ADGRL3: variants seen among roughly 807,000 people sequenced by gnomAD.
ADGRL3 encodes calcium-independent alpha-latrotoxin receptor 3.
ADGRL3 carries 62 observed loss-of-function variants against 153.5 expected under a neutral mutation model. That is an observed-to-expected ratio of 0.40 (90% CI 0.33 to 0.50). ADGRL3 has a LOEUF of 0.50. ADGRL3 is among the 20% of genes least tolerant of loss of function. The pLI is 0.47. For missense variants in ADGRL3, 1,641 were observed against 1,859.4 expected (o/e 0.88, Z 2.16); for synonymous variants, 710 against 672.5 (o/e 1.06, Z -0.86).
intron 1 of ADGRL3, among the ~76,000 whole-genome samples, chr4:61,352,724 T>G (rs1432553408): frequency 1.3e-5 from 2 of 152,146 alleles, no homozygotes; most frequent in Non-Finnish European, 2.9e-5. Context: ...TCAAAAAAAT[T>G]TTGTGACTTG....
chr4:61,245,684 G>T (rs1756778019), intron 1 of ADGRL3, among the ~76,000 whole-genome samples: 1 of 152,090 alleles, frequency 6.6e-6, no homozygotes, highest in Non-Finnish European at 1.5e-5. Context: ...GTCTCAAAAT[G>T]CAGTTTGCAA....
intron 23 of ADGRL3, 29 bp from the exon 24 acceptor site, chr4:62,037,702 C>T (rs960440153): frequency 1.2e-6 from 2 of 1,612,938 alleles, no homozygotes; most frequent in Non-Finnish European, 1.7e-6. Context: ...GAATTACTTG[C>T]TAACAGAAGT....
chr4:61,755,608 A>T (rs1251826116), intron 8 of ADGRL3, among the ~76,000 whole-genome samples: 2 of 152,128 alleles, frequency 1.3e-5, no homozygotes, highest in African/African-American at 4.8e-5. Flanking sequence ...TGCTGTGCAG[A>T]AGCTCTTTAG....
chr4:61,625,482 G>T (rs1448048526), intron 5 of ADGRL3, among the ~76,000 whole-genome samples: 2 of 152,028 alleles, frequency 1.3e-5, no homozygotes, highest in South Asian at 4.1e-4. Flanking sequence ...ACATGAATTG[G>T]TGTATGTATA....
At chr4:61,348,461 T>G (rs149412984) in intron 1 of ADGRL3, among the ~76,000 whole-genome samples, 1,694 of 152,074 alleles carry the variant, frequency 0.011, 17 homozygotes, top group Non-Finnish European at 0.017. Context: ...AGCAGAGTTG[T>G]GGGAAAAAAC....
chr4:61,456,189 T>G (rs575339667), intron 2 of ADGRL3, among the ~76,000 whole-genome samples: 1 of 151,622 alleles, frequency 6.6e-6, no homozygotes, highest in African/African-American at 2.4e-5. Flanking sequence ...AAATGAGATG[T>G]AAAGCATCTT....
At chr4:62,020,372 C>T (rs1347187600) in intron 21 of ADGRL3, among the ~76,000 whole-genome samples, 1 of 152,142 alleles carries the variant, frequency 6.6e-6, no homozygotes, top group Non-Finnish European at 1.5e-5. Flanking sequence ...AATGACCCTA[C>T]TTTATCAGCC....
intron 25 of ADGRL3, among the ~76,000 whole-genome samples, chr4:62,056,496 G>A (rs571236633): frequency 1.5e-3 from 225 of 152,032 alleles, no homozygotes; most frequent in African/African-American, 5.3e-3. Flanking sequence ...CATTTTACAT[G>A]CAGTGTTAAG....
chr4:61,653,101 A>G (rs955779524), intron 5 of ADGRL3, among the ~76,000 whole-genome samples: 11 of 150,592 alleles, frequency 7.3e-5, no homozygotes, highest in Non-Finnish European at 1.5e-5. Flanking sequence ...CAATAGGATT[A>G]GTGGCCTTAT....
chr4:61,653,170 T>TCTCACACACACA (rs1212952330), intron 5 of ADGRL3, among the ~76,000 whole-genome samples: 3 of 90,966 alleles, frequency 3.3e-5, no homozygotes, highest in African/African-American at 9.7e-5. Context: ...TCTCTCTCTC[T>TCTCACACACACA]CACACACACA....
intron 4 of ADGRL3, among the ~76,000 whole-genome samples, chr4:61,523,930 T>C (rs1229607096): frequency 6.6e-6 from 1 of 152,096 alleles, no homozygotes. Flanking sequence ...AGAAAATAGG[T>C]GCTAAACTTT....
At chr4:61,371,029 T>C (rs1473502410) in intron 1 of ADGRL3, among the ~76,000 whole-genome samples, 1 of 151,468 alleles carries the variant, frequency 6.6e-6, no homozygotes. Flanking sequence ...TAAAATCTGT[T>C]TTATCAGAGA....
chr4:61,407,018 T>C (rs2097009125), intron 2 of ADGRL3, among the ~76,000 whole-genome samples: 1 of 152,094 alleles, frequency 6.6e-6, no homozygotes, highest in East Asian at 1.9e-4. Context: ...CTTAGTCTGA[T>C]TTGTATAGGT....
At chr4:61,435,549 T>G (rs1212865709) in intron 2 of ADGRL3, among the ~76,000 whole-genome samples, 5 of 152,148 alleles carry the variant, frequency 3.3e-5, no homozygotes, top group Non-Finnish European at 1.5e-5. Context: ...GTATATAGAC[T>G]CAGCAGGTCA....
At chr4:61,276,551 C>T (rs1008727758) in intron 1 of ADGRL3, among the ~76,000 whole-genome samples, 18 of 151,936 alleles carry the variant, frequency 1.2e-4, no homozygotes, top group Non-Finnish European at 2.2e-4. Context: ...GTGGGATTTC[C>T]GCAGATGTGT....
chr4:61,792,662 G>T (rs1257719451), intron 8 of ADGRL3, among the ~76,000 whole-genome samples: 1 of 151,620 alleles, frequency 6.6e-6, no homozygotes, highest in Non-Finnish European at 1.5e-5. Context: ...GCTAATTTTT[G>T]TATATTTAGT....
intron 5 of ADGRL3, among the ~76,000 whole-genome samples, chr4:61,640,877 T>C (rs2093635347): frequency 6.6e-6 from 1 of 152,198 alleles, no homozygotes; most frequent in South Asian, 2.1e-4. Context: ...TTAACCAGAA[T>C]TTGAGAGAAC....
rs115209583 is a variant in ADGRL3, at chr4:61,585,511, C to A, written c.260-1716C>A. 4.3e-3 allele frequency among the ~76,000 whole-genome samples: 659 copies of A among 152,110 alleles called. 3 individuals carry two copies. Among genetic ancestry groups the A allele is most frequent in the African/African-American group, 0.015 (630 of 41,544 alleles). On this transcript the variant is annotated intron_variant, in intron 4 of 26. Coordinates refer to ENST00000683033, the MANE Select transcript of ADGRL3 (RefSeq NM_001387552.1). ...CATTTCATGCTTCGTAAAAAAGCCACAAGAGAAGCACATATTTGTTTAAAT... is the reference window on the plus strand; with the variant it reads ...CATTTCATGCTTCGTAAAAAAGCCAAAAGAGAAGCACATATTTGTTTAAAT...
At chr4:61,905,100 A>G (rs2098689065) in intron 11 of ADGRL3, among the ~76,000 whole-genome samples, 1 of 152,188 alleles carries the variant, frequency 6.6e-6, no homozygotes. Context: ...TAACCTGCAG[A>G]ATACTATGAA....
Sources: allele counts gnomAD v4.1 joint callset (sites outside exome capture counted in the v4.1 genomes callset), GRCh38; gene constraint gnomAD v4.1.1; transcripts MANE v1.5; gene names NCBI Gene and HGNC (gene_info 2026-07-23, HGNC 2026-07-21).